SCOC: variants seen among roughly 807,000 people sequenced by gnomAD.
The protein encoded by SCOC is short coiled-coil protein.
Under a neutral mutation model 9.9 loss-of-function variants are expected in SCOC, and 7 were observed. The ratio of observed to expected loss-of-function variants is 0.71; its 90% CI spans 0.40 to 1.33. SCOC has a LOEUF of 1.33. Ranked by LOEUF, SCOC falls within the 40% of genes most tolerant of loss-of-function variation. The pLI is 0.01. For missense variants in SCOC, 66 were observed against 89.7 expected (o/e 0.74, Z 1.07); for synonymous variants, 19 against 28.2 (o/e 0.67, Z 1.03).
At chr4:140,322,967 C>T (rs1189529642) in intron 1 of SCOC, among the ~76,000 whole-genome samples, 1 of 151,638 alleles carries the variant, frequency 6.6e-6, no homozygotes, top group African/African-American at 2.4e-5. Context: ...ATCAGAGTGA[C>T]CAGATGAAAG....
intron 1 of SCOC, among the ~76,000 whole-genome samples, chr4:140,277,340 G>A (rs1731007300): frequency 6.6e-6 from 1 of 152,138 alleles, no homozygotes; most frequent in Non-Finnish European, 1.5e-5. Context: ...TAGGGGAGCT[G>A]TTGTGAATCA....
At chr4:140,366,500 T>C in intron 2 of SCOC, 1 of 1,571,540 alleles carries the variant, frequency 6.4e-7, no homozygotes. Flanking sequence ...TCATTCTTGA[T>C]TATTCTGTTC....
At position 140,383,011 on chromosome 4, in the gene SCOC, A is replaced by G. The variant is rs994398657; in HGVS notation, c.*1907A>G. 6.6e-6 allele frequency: 1 copy of G among 152,208 alleles called. No individual in the cohort carries two copies. Among genetic ancestry groups the G allele is most frequent in the African/African-American group, 2.4e-5 (1 of 41,446 alleles). The allele number at this position is 152,208 out of a possible 1,614,324, so 9.4% of individuals were successfully genotyped here. On this transcript the variant is annotated 3_prime_UTR_variant, in exon 4 of 4. Coordinates refer to ENST00000608372, the MANE Select transcript of SCOC (RefSeq NM_001153484.2). ...TTCAAGTCACTCTAGTTATTCTTCT[A>G]ATTTGCAGAAAAAGAACATGGAAGT...
chr4:140,272,222 A>T (rs1578758544), intron 1 of SCOC, among the ~76,000 whole-genome samples: 1 of 142,280 alleles, frequency 7.0e-6, no homozygotes, highest in East Asian at 2.1e-4. Flanking sequence ...CCTACCTTTA[A>T]TTTTTTTTTT....
At chr4:140,268,294 G>A (rs952280118) in intron 1 of SCOC, among the ~76,000 whole-genome samples, 8 of 152,102 alleles carry the variant, frequency 5.3e-5, no homozygotes, top group Non-Finnish European at 1.2e-4. Flanking sequence ...AGAGAATAAG[G>A]GAGTGAGTGC....
intron 2 of SCOC, among the ~76,000 whole-genome samples, chr4:140,347,973 C>A (rs1206391991): frequency 1.3e-5 from 2 of 152,102 alleles, no homozygotes; most frequent in Non-Finnish European, 2.9e-5. Flanking sequence ...TCCTCTTGGA[C>A]TAGATTTCAT....
chr4:140,283,813 T>G (rs1267178183), intron 1 of SCOC: 2 of 152,176 alleles, frequency 1.3e-5, no homozygotes, highest in Non-Finnish European at 2.9e-5. Context: ...TGATAAAAAT[T>G]TGTAGCAGTT....
At chr4:140,261,871 G>T (rs1008950102) in intron 1 of SCOC, among the ~76,000 whole-genome samples, 2 of 152,128 alleles carry the variant, frequency 1.3e-5, no homozygotes, top group Admixed American at 1.3e-4. Context: ...TGTGACCAGG[G>T]CTTGGAAGGA....
At chr4:140,305,199 G>T (rs1450187332) in intron 1 of SCOC, among the ~76,000 whole-genome samples, 4 of 152,136 alleles carry the variant, frequency 2.6e-5, no homozygotes, top group African/African-American at 7.2e-5. Flanking sequence ...ATTCTACTGG[G>T]GATGTTCTGT....
At chr4:140,351,534 G>T (rs1008020973) in intron 2 of SCOC, among the ~76,000 whole-genome samples, 1 of 152,012 alleles carries the variant, frequency 6.6e-6, no homozygotes, top group Admixed American at 6.6e-5. Flanking sequence ...TCTGCTTTTG[G>T]TGTCGGCCAA....
chr4:140,327,742 A>T (rs1156455267), intron 1 of SCOC, among the ~76,000 whole-genome samples: 1 of 152,250 alleles, frequency 6.6e-6, no homozygotes, highest in Admixed American at 6.5e-5. Flanking sequence ...GTAATCCAAC[A>T]CTTTGCTGTA....
intron 1 of SCOC, among the ~76,000 whole-genome samples, chr4:140,338,414 T>C (rs967757039): frequency 6.6e-6 from 1 of 152,142 alleles, no homozygotes; most frequent in Non-Finnish European, 1.5e-5. Flanking sequence ...TCTGTCACCA[T>C]TGCTATTCAA....
At chr4:140,317,461 G>T (rs914404540) in intron 1 of SCOC, among the ~76,000 whole-genome samples, 5 of 152,022 alleles carry the variant, frequency 3.3e-5, no homozygotes, top group East Asian at 1.9e-4. Flanking sequence ...ACCGGTGCAT[G>T]CAGCCCCCAG....
intron 1 of SCOC, among the ~76,000 whole-genome samples, chr4:140,290,507 G>C (rs534537084): frequency 6.6e-6 from 1 of 152,266 alleles, no homozygotes; most frequent in South Asian, 2.1e-4. Context: ...TCATGAATTG[G>C]CAGTTTCAAA....
At chr4:140,258,417 G>A (rs145248201) in intron 1 of SCOC, among the ~76,000 whole-genome samples, 7 of 152,140 alleles carry the variant, frequency 4.6e-5, no homozygotes, top group East Asian at 1.9e-4. Context: ...TCCTATCTCC[G>A]TCAAACACTG....
intron 1 of SCOC, among the ~76,000 whole-genome samples, chr4:140,338,169 A>G (rs1733013357): frequency 6.6e-6 from 1 of 152,220 alleles, no homozygotes; most frequent in African/African-American, 2.4e-5. Flanking sequence ...AATGTAATCC[A>G]TCATATAAAC....
At chr4:140,334,040 C>A (rs1296911485) in intron 1 of SCOC, among the ~76,000 whole-genome samples, 2 of 152,032 alleles carry the variant, frequency 1.3e-5, no homozygotes, top group Non-Finnish European at 2.9e-5. Context: ...ACCTCAGCCT[C>A]CTGAGTAGCT....
intron 1 of SCOC, among the ~76,000 whole-genome samples, chr4:140,301,130 A>G (rs190367416): frequency 6.6e-6 from 1 of 152,302 alleles, no homozygotes; most frequent in East Asian, 1.9e-4. Context: ...AGAGTGATAG[A>G]AAGCTAACCT....
intron 1 of SCOC, among the ~76,000 whole-genome samples, chr4:140,299,196 G>A (rs1028406714): frequency 5.9e-5 from 9 of 152,264 alleles, no homozygotes; most frequent in Non-Finnish European, 1.0e-4. Context: ...TTTAATGTAG[G>A]CATGCAATAC....
Sources: allele counts gnomAD v4.1 joint callset (sites outside exome capture counted in the v4.1 genomes callset), GRCh38; gene constraint gnomAD v4.1.1; transcripts MANE v1.5; gene names NCBI Gene and HGNC (gene_info 2026-07-23, HGNC 2026-07-21).